The following MGST1 variants were observed in gnomAD, a reference collection of about 807,000 sequenced individuals.
MGST1 encodes the protein glutathione S-transferase 12.
A neutral mutation model predicts 8.9 loss-of-function variants in MGST1; 5 were observed. The ratio of observed to expected loss-of-function variants is 0.56; its 90% confidence interval spans 0.29 to 1.19. MGST1 has a LOEUF of 1.19. Among genes scored for constraint, MGST1 ranks in the 50% most tolerant of loss-of-function variants. The probability of loss-of-function intolerance (pLI) is 0.08; values close to 1 mark genes in which losing one functional copy is unlikely to be tolerated. For synonymous variants in MGST1, 54 were observed against 67.8 expected, an observed-to-expected ratio of 0.80 and a Z score of 1.00; for missense variants, 182 against 187.4, an observed-to-expected ratio of 0.97 and a Z score of 0.17.
At chr12:16,399,601 C>T (rs1315616935) in intron 1 of MGST1, 2 of 1,607,292 alleles carry the variant, frequency 1.2e-6, no homozygotes, top group Non-Finnish European at 1.7e-6. Flanking sequence ...GTCTCATCTT[C>T]AATTTCAGAC....
chr12:16,363,160 T>C lies in MGST1; in HGVS notation c.222-635T>C, dbSNP rs1383576021. The C allele has an allele frequency of 6.6e-6, 1 of 152,214 alleles. No homozygotes were observed. The highest frequency in any genetic ancestry group is 1.5e-5 in the Non-Finnish European group (1 of 68,042). 9.4% of individuals were successfully genotyped at this position (152,214 alleles called of 1,614,324 possible). A position where few individuals can be genotyped will look rare whatever the true frequency, so the allele number is the denominator to read the frequency against. ...CCTACTTTTTGTGTGTCCTTTGTAG[T>C]TTTGCACCATCATTCCTAACGAATT... is the stretch of plus-strand genomic sequence containing the variant. On this transcript the variant is annotated intron_variant, in intron 3 of 3. Coordinates refer to ENST00000396210, the MANE Select transcript of MGST1 (RefSeq NM_020300.5). The surrounding 1 kb of genome is among the most constrained non-coding windows in gnomAD (Gnocchi z 4.6).
intron 4 of MGST1, among the ~76,000 whole-genome samples, chr12:16,534,546 T>C (rs186382109): frequency 2.6e-4 from 39 of 152,310 alleles, no homozygotes; most frequent in Middle Eastern, 3.4e-3. Context: ...CCCTTATGTA[T>C]TGTGTGTAGC....
chr12:16,569,456 T>C (rs1744587221), intron 4 of MGST1, among the ~76,000 whole-genome samples: 1 of 152,194 alleles, frequency 6.6e-6, no homozygotes, highest in South Asian at 2.1e-4. Context: ...AACATTATAC[T>C]TTCCCTTTCA....
At chr12:16,464,685 A>G (rs1591737146) in intron 4 of MGST1, among the ~76,000 whole-genome samples, 1 of 152,200 alleles carries the variant, frequency 6.6e-6, no homozygotes, top group Non-Finnish European at 1.5e-5. Context: ...CATAATAGTC[A>G]TGTTTCCTCT....
Position 16,452,927 on chromosome 12 carries a change from T to G in MGST1, n.482+69323T>G, listed in dbSNP as rs11056946. 9.0e-3 allele frequency among the ~76,000 whole-genome samples: 1,374 copies of G among 151,968 alleles called. 77 individuals are homozygous for G. In the East Asian group the frequency reaches 0.17, roughly 19 times the overall value. Reference sequence around the variant, plus strand: ...TAAATTATCAATCATGGTCTTTCTTTAGGATAAAAAGATACATGCCAGGTT... The same window carrying G: ...TAAATTATCAATCATGGTCTTTCTTGAGGATAAAAAGATACATGCCAGGTT... On this transcript the variant is annotated intron_variant and non_coding_transcript_variant, in intron 4 of 4. Coordinates refer to the MGST1 transcript ENST00000538857.
intron 4 of MGST1, among the ~76,000 whole-genome samples, chr12:16,535,040 T>G (rs1175170420): frequency 6.6e-6 from 1 of 152,238 alleles, no homozygotes; most frequent in African/African-American, 2.4e-5. Context: ...GTGCAGTGCC[T>G]GCCTCTGGTC....
intron 4 of MGST1, among the ~76,000 whole-genome samples, chr12:16,552,481 C>T (rs922900553): frequency 6.6e-6 from 1 of 152,012 alleles, no homozygotes; most frequent in Non-Finnish European, 1.5e-5. Flanking sequence ...GACTGATTTA[C>T]ATTTGCAAAG....
intron 4 of MGST1, among the ~76,000 whole-genome samples, chr12:16,571,085 T>G (rs1184203770): frequency 1.3e-5 from 2 of 152,130 alleles, no homozygotes; most frequent in Non-Finnish European, 2.9e-5. Flanking sequence ...TGAAATTTTA[T>G]TTAATATTTT....
At chr12:16,452,164 T>C (rs1941134039) in intron 4 of MGST1, among the ~76,000 whole-genome samples, 1 of 151,830 alleles carries the variant, frequency 6.6e-6, no homozygotes, top group African/African-American at 2.4e-5. Context: ...CTGAGAACTG[T>C]AGAGAGTTGC....
intron 4 of MGST1, among the ~76,000 whole-genome samples, chr12:16,518,193 C>T (rs1384288202): frequency 6.6e-6 from 1 of 152,204 alleles, no homozygotes; most frequent in Non-Finnish European, 1.5e-5. Flanking sequence ...TTCTCCAACT[C>T]TGCTATTCAG....
chr12:16,352,346 A>C (rs1939507403), intron 1 of MGST1, among the ~76,000 whole-genome samples: 1 of 152,168 alleles, frequency 6.6e-6, no homozygotes, highest in African/African-American at 2.4e-5. Context: ...ATGGATAGAA[A>C]GATTGCAGCT....
At chr12:16,439,205 A>G (rs939584265), downstream of MGST1, among the ~76,000 whole-genome samples, 3 of 151,822 alleles carry the variant, frequency 2.0e-5, no homozygotes, top group African/African-American at 7.2e-5. Context: ...TTAGAGTTGC[A>G]TTTATTGGAT....
At chr12:16,536,303 C>T (rs1199497023) in intron 4 of MGST1, among the ~76,000 whole-genome samples, 1 of 152,104 alleles carries the variant, frequency 6.6e-6, no homozygotes, top group East Asian at 1.9e-4. Context: ...TACCATCTGT[C>T]ATTGTATTTC....
intron 1 of MGST1, among the ~76,000 whole-genome samples, chr12:16,393,909 A>G (rs751753108): frequency 5.9e-5 from 9 of 152,198 alleles, no homozygotes; most frequent in Non-Finnish European, 1.2e-4. Flanking sequence ...CTAGACCACA[A>G]TTTCTTTATC....
intron 4 of MGST1, among the ~76,000 whole-genome samples, chr12:16,533,311 T>G (rs1941733715): frequency 6.6e-6 from 1 of 152,130 alleles, no homozygotes; most frequent in Admixed American, 6.6e-5. Flanking sequence ...AGCCTCTGGA[T>G]GTGTTAAAAA....
chr12:16,352,837 C>T (rs913705673), intron 1 of MGST1, among the ~76,000 whole-genome samples: 1 of 152,258 alleles, frequency 6.6e-6, no homozygotes, highest in African/African-American at 2.4e-5. Context: ...CTTGCATTTG[C>T]AAGCCTGTTT....
At chr12:16,538,772 C>T (rs1028709642) in intron 4 of MGST1, among the ~76,000 whole-genome samples, 1 of 151,970 alleles carries the variant, frequency 6.6e-6, no homozygotes, top group African/African-American at 2.4e-5. Context: ...CCATGCCTGG[C>T]TAATTTTTTG....
At chr12:16,376,520 T>TAATTTAAAAACCAAAGTAGAAAG (rs1940383032) in exon 4 of MGST1, 1 of 159,374 alleles carries the variant, frequency 6.3e-6, no homozygotes, top group African/African-American at 2.4e-5. Context: ...AACCCATTTC[T>TAATTTAAAAACCAAAGTAGAAAG]TCCGCAAAAG....
At chr12:16,495,660 A>T (rs1377547537) in intron 4 of MGST1, among the ~76,000 whole-genome samples, 4 of 150,960 alleles carry the variant, frequency 2.6e-5, no homozygotes, top group Admixed American at 6.6e-5. Flanking sequence ...AAGTGTACTT[A>T]CTCTTTCATC....
Sources: gnomAD v4.1 joint callset for allele counts (sites outside exome capture counted in the v4.1 genomes callset) on GRCh38, gnomAD v4.1.1 for gene constraint, Gnocchi (gnomAD v3.1) non-coding constraint, MANE v1.5 for transcripts, NCBI Gene and HGNC (gene_info 2026-07-23, HGNC 2026-07-21) for gene names.